Variants in STXBP5L observed in about 807,000 individuals in gnomAD.
STXBP5L encodes the protein syntaxin binding protein 5L.
A neutral mutation model predicts 144.5 loss-of-function variants in STXBP5L; 65 were observed. That is an observed-to-expected ratio of 0.45 (90% CI 0.37 to 0.55). The LOEUF (loss-of-function observed/expected upper bound fraction) is 0.55, where lower values mean the gene tolerates loss of function less well. Ranked by LOEUF, STXBP5L falls within the 20% of genes least tolerant of loss-of-function variation. The pLI, the probability that STXBP5L is intolerant of heterozygous loss-of-function variation, is 0.00. For synonymous variants in STXBP5L, 505 were observed against 469.6 expected, an observed-to-expected ratio of 1.08 and a Z score of -0.97; for missense variants, 1,298 against 1,405.5, an observed-to-expected ratio of 0.92 and a Z score of 1.22.
rs141487190 is a variant in STXBP5L at position 121,377,839 on chromosome 3, T to C, written c.2177-877T>C. Among the ~76,000 whole-genome samples the C allele has an allele frequency of 4.5e-4, 69 of 152,356 alleles. 1 individual carries two copies. The East Asian group carries it at 0.013, about 28-fold the overall frequency. ...TATGGGGTATATACCCAAAGGATTA[T>C]AAATCTTTCTACTATAAAGACACAT... On this transcript the variant is annotated intron_variant, in intron 20 of 26. Coordinates refer to ENST00000471454, the MANE Select transcript of STXBP5L (RefSeq NM_001308330.2).
At chr3:121,007,665 G>T (rs181887494) in intron 3 of STXBP5L, among the ~76,000 whole-genome samples, 1 of 151,986 alleles carries the variant, frequency 6.6e-6, no homozygotes, top group Non-Finnish European at 1.5e-5. Context: ...TTATTCACTA[G>T]TACTTCTGAT....
intron 22 of STXBP5L, among the ~76,000 whole-genome samples, chr3:121,394,803 C>G (rs565838925): frequency 3.6e-4 from 55 of 152,024 alleles, no homozygotes; most frequent in African/African-American, 1.1e-3. Context: ...GACAGGGTTT[C>G]ACATGTTAGC....
chr3:121,308,822 TA>T (rs2043426823), intron 19 of STXBP5L, among the ~76,000 whole-genome samples: 3 of 152,114 alleles, frequency 2.0e-5, no homozygotes, highest in African/African-American at 7.2e-5. Context: ...TATTGGTTTG[TA>T]AAATATATAG....
At chr3:121,413,450 A>C in intron 24 of STXBP5L, 127 bp downstream of exon 24, 1 of 809,338 alleles carries the variant, frequency 1.2e-6, no homozygotes, top group Non-Finnish European at 1.8e-6. Flanking sequence ...TGTTTTGAAT[A>C]TATATTCTTC....
chr3:121,117,782 C>G (rs1333678226), intron 6 of STXBP5L, among the ~76,000 whole-genome samples: 1 of 151,234 alleles, frequency 6.6e-6, no homozygotes, highest in African/African-American at 2.4e-5. Flanking sequence ...AGGCAATTCC[C>G]AAGAGTATGA....
intron 7 of STXBP5L, among the ~76,000 whole-genome samples, chr3:121,151,758 C>G (rs2107983010): frequency 6.6e-6 from 1 of 151,752 alleles, no homozygotes; most frequent in Middle Eastern, 3.4e-3. Context: ...AATTTTCTGT[C>G]ATTGGTAACA....
chr3:121,366,258 T>G (rs2045862019), intron 20 of STXBP5L, among the ~76,000 whole-genome samples: 1 of 151,986 alleles, frequency 6.6e-6, no homozygotes, highest in Non-Finnish European at 1.5e-5. Context: ...GAGTGTTATA[T>G]ATCACTGTTA....
chr3:121,261,616 T>G (rs2050384613), intron 18 of STXBP5L, among the ~76,000 whole-genome samples: 1 of 152,216 alleles, frequency 6.6e-6, no homozygotes, highest in African/African-American at 2.4e-5. Flanking sequence ...ACATTTTAAA[T>G]TAATCAGTGT....
intron 22 of STXBP5L, among the ~76,000 whole-genome samples, chr3:121,395,107 C>A (rs958567814): frequency 6.6e-6 from 1 of 152,122 alleles, no homozygotes. Flanking sequence ...ATATATAGTT[C>A]TTTTCTTAAT....
intron 3 of STXBP5L, among the ~76,000 whole-genome samples, chr3:121,035,157 C>T (rs936268769): frequency 1.3e-5 from 2 of 152,088 alleles, no homozygotes; most frequent in East Asian, 1.9e-4. Context: ...TCCCATTCTG[C>T]AGGTTGGCTA....
chr3:121,123,843 AG>A (rs1301291107), intron 7 of STXBP5L, among the ~76,000 whole-genome samples: 2 of 151,788 alleles, frequency 1.3e-5, no homozygotes. Context: ...TTCCATCAAT[AG>A]TCTTTTGTCA....
At chr3:121,093,478 ACTT>A (rs2042939048) in intron 5 of STXBP5L, among the ~76,000 whole-genome samples, 1 of 152,168 alleles carries the variant, frequency 6.6e-6, no homozygotes, top group African/African-American at 2.4e-5. Context: ...CAGAGATTCA[ACTT>A]CTTCCTGGTT....
At chr3:120,991,706 C>G (rs562063801) in intron 3 of STXBP5L, among the ~76,000 whole-genome samples, 1 of 151,450 alleles carries the variant, frequency 6.6e-6, no homozygotes, top group Non-Finnish European at 1.5e-5. Flanking sequence ...CAAACTATCA[C>G]AAGGACAAAA....
At chr3:121,041,182 TATC>T (rs941288662) in intron 3 of STXBP5L, among the ~76,000 whole-genome samples, 3 of 152,060 alleles carry the variant, frequency 2.0e-5, no homozygotes, top group Admixed American at 6.6e-5. Context: ...TTTTTTACCT[TATC>T]ATGTTTTTCT....
At chr3:121,255,478 T>A (rs887692216) in intron 16 of STXBP5L, among the ~76,000 whole-genome samples, 4 of 152,058 alleles carry the variant, frequency 2.6e-5, no homozygotes, top group Non-Finnish European at 5.9e-5. Context: ...TGTTTTGAAC[T>A]ATGTATATAT....
chr3:120,994,556 GT>G (rs1943186898), intron 3 of STXBP5L, among the ~76,000 whole-genome samples: 1 of 151,928 alleles, frequency 6.6e-6, no homozygotes, highest in Admixed American at 6.6e-5. Flanking sequence ...CATATGATTT[GT>G]GTCCTTATTT....
chr3:121,071,285 T>C (rs1322744275), intron 5 of STXBP5L, among the ~76,000 whole-genome samples: 1 of 152,244 alleles, frequency 6.6e-6, no homozygotes, highest in Non-Finnish European at 1.5e-5. Context: ...TGTTTGTACA[T>C]TTAACCCGCA....
At chr3:121,140,029 C>T (rs1465156083) in intron 7 of STXBP5L, among the ~76,000 whole-genome samples, 1 of 152,046 alleles carries the variant, frequency 6.6e-6, no homozygotes, top group Non-Finnish European at 1.5e-5. Context: ...TGACATGAAA[C>T]ACTCATTTCT....
chr3:121,046,921 C>T (rs73187497), intron 5 of STXBP5L, among the ~76,000 whole-genome samples: 5,404 of 151,898 alleles, frequency 0.036, 146 homozygotes, highest in Middle Eastern at 0.082. Flanking sequence ...TGTATTGTTT[C>T]TCTAGTTCCT....
Sources: allele counts gnomAD v4.1 joint callset (sites outside exome capture counted in the v4.1 genomes callset), GRCh38; gene constraint gnomAD v4.1.1; transcripts MANE v1.5; gene names NCBI Gene and HGNC (gene_info 2026-07-23, HGNC 2026-07-21).